Variants in RUVBL1 observed in about 807,000 individuals in gnomAD.
RUVBL1 encodes the protein ruvB-like 1.
In RUVBL1, 4 loss-of-function variants were observed where a neutral mutation model predicts 52.4. That is an observed-to-expected ratio of 0.08 (90% CI 0.04 to 0.17). RUVBL1 has a LOEUF of 0.17. RUVBL1 is among the 10% of genes least tolerant of loss of function. RUVBL1 has a pLI of 1.00. For synonymous variants in RUVBL1, 217 were observed against 214.4 expected (o/e 1.01, Z -0.10); for missense variants, 298 against 572.8 (o/e 0.52, Z 4.90).
intron 1 of RUVBL1, among the ~76,000 whole-genome samples, chr3:128,148,823 T>A (rs1944142090): frequency 6.6e-6 from 1 of 152,244 alleles, no homozygotes; most frequent in African/African-American, 2.4e-5. Flanking sequence ...GTTACCAATA[T>A]TATCTTAGAG....
intron 1 of RUVBL1, chr3:128,141,808 T>C (rs909462276): frequency 1.3e-5 from 2 of 152,300 alleles, no homozygotes; most frequent in Non-Finnish European, 2.9e-5. Context: ...CTTTTCTTAA[T>C]AGTTGCCTTC....
chr3:128,072,937 C>CT (rs1455090719), intron 9 of RUVBL1, among the ~76,000 whole-genome samples: 2 of 152,184 alleles, frequency 1.3e-5, no homozygotes, highest in Non-Finnish European at 2.9e-5. Flanking sequence ...GCTTACTCTG[C>CT]TTTTTCCCTT....
upstream of RUVBL1, chr3:128,123,910 G>A (rs912885299): frequency 8.0e-7 from 1 of 1,249,086 alleles, no homozygotes; most frequent in Non-Finnish European, 1.0e-6. Context: ...CATCGCGGCT[G>A]CTGCTAGAGC....
chr3:128,074,500 G>GTGC (rs1177838923), intron 9 of RUVBL1, among the ~76,000 whole-genome samples: 1 of 152,130 alleles, frequency 6.6e-6, no homozygotes, highest in Non-Finnish European at 1.5e-5. Flanking sequence ...AACTCATGGA[G>GTGC]TGCTCCACTT....
chr3:128,082,130 C>A lies in RUVBL1; in HGVS notation c.1211+353G>T. ...AAAGATTTACCAGGCCTCATAACAC[C>A]ACCGGGAGAACAGGAGCCAGGGCCC... On this transcript the variant is annotated intron_variant, in intron 10 of 10. Transcript: ENST00000322623. The surrounding 1 kb of genome is among the most constrained non-coding windows in gnomAD (Gnocchi z 4.7). 1 of 211,544 alleles carries A rather than the reference C, an allele frequency of 4.7e-6. No individual in the cohort carries two copies. Among genetic ancestry groups the A allele is most frequent in the Admixed American group, 5.2e-5 (1 of 19,070 alleles). The allele number at this position is 211,544 out of a possible 1,614,324, so 13.1% of individuals were successfully genotyped here. A position where few individuals can be genotyped will look rare whatever the true frequency, so the allele number is the denominator to read the frequency against.
chr3:128,097,485 C>A lies in RUVBL1; in HGVS notation c.831G>T (p.Gly277=). 6.2e-7 allele frequency: 1 copy of A among 1,614,196 alleles called. No individual in the cohort carries two copies. Among genetic ancestry groups the A allele is most frequent in the Non-Finnish European group, 8.5e-7 (1 of 1,180,028 alleles). The change falls in exon 8 of 11, where the codon GGG becomes GGT. Residue 277 remains glycine (G), a synonymous_variant. Coordinates refer to ENST00000322623, the MANE Select transcript of RUVBL1 (RefSeq NM_003707.3). The stretch of plus-strand genomic sequence containing the variant: ...ACTTGTTCACCACCTTATTAATCTC[C>A]CCTCGAAGTTTGTCTAGGAGATGCA... ...KKTEITDKLR[G]EINKVVNKYI... is the part of the protein sequence containing the mutation.
chr3:128,106,664 G>A (rs1244573931), intron 3 of RUVBL1, among the ~76,000 whole-genome samples: 1 of 152,240 alleles, frequency 6.6e-6, no homozygotes. Flanking sequence ...CACTAAGAGT[G>A]AAGGGGTTGT....
chr3:128,084,695 A>G (rs1282703561), intron 9 of RUVBL1: 3 of 152,238 alleles, frequency 2.0e-5, no homozygotes, highest in African/African-American at 7.2e-5. Context: ...ATCTTTAATC[A>G]TTTAATAACC....
chr3:128,147,261 A>T (rs548505495), intron 1 of RUVBL1, among the ~76,000 whole-genome samples: 1 of 152,138 alleles, frequency 6.6e-6, no homozygotes, highest in Admixed American at 6.5e-5. Flanking sequence ...GTAGAGGTGG[A>T]GCCCTACTGT....
intron 2 of RUVBL1, among the ~76,000 whole-genome samples, chr3:128,113,252 G>A (rs1352623052): frequency 2.6e-5 from 4 of 152,166 alleles, no homozygotes; most frequent in Non-Finnish European, 5.9e-5. Flanking sequence ...GACTTACCCA[G>A]TGCAGGCCCA....
At chr3:128,153,401 T>C (rs559752961) in exon 1 of RUVBL1, 7 of 1,413,640 alleles carry the variant, frequency 5.0e-6, no homozygotes, top group Middle Eastern at 2.6e-4. Flanking sequence ...GGAACGGGTG[T>C]GCACAGCGCG....
At chr3:128,133,484 G>A (rs1201738926) in intron 1 of RUVBL1, among the ~76,000 whole-genome samples, 1 of 152,258 alleles carries the variant, frequency 6.6e-6, no homozygotes, top group African/African-American at 2.4e-5. Context: ...CAAAGTCCCA[G>A]TGGTGTTGCT....
At chr3:128,095,929 TTAA>T (rs1447863540) in intron 8 of RUVBL1, among the ~76,000 whole-genome samples, 2 of 152,152 alleles carry the variant, frequency 1.3e-5, no homozygotes, top group Non-Finnish European at 2.9e-5. Flanking sequence ...TTGGACAGTC[TTAA>T]TAATAAAGCT....
At position 128,069,614 on chromosome 3, in the gene RUVBL1, C is replaced by T. The variant is rs781266676; in HGVS notation, c.940-4394G>A. 1.8e-5 allele frequency: 29 copies of T among 1,614,036 alleles called. No homozygotes were observed. The Admixed American group carries it at 3.5e-4, about 19-fold the overall frequency. Reference sequence around the variant, plus strand: ...TCATCTACCAGTACTTTGAGATCTTCGTTAAGGAGCAAAGCGAGGTTGGCA... The same window carrying T: ...TCATCTACCAGTACTTTGAGATCTTTGTTAAGGAGCAAAGCGAGGTTGGCA... On this transcript the variant is annotated intron_variant, in intron 9 of 9. Transcript: ENST00000464873.
intron 8 of RUVBL1, among the ~76,000 whole-genome samples, chr3:128,089,502 AT>A (rs1291815300): frequency 2.6e-5 from 4 of 152,268 alleles, no homozygotes; most frequent in Non-Finnish European, 5.9e-5. Flanking sequence ...TAGTATCTGA[AT>A]ATTTGGTTTC....
At chr3:128,123,122 C>T (rs1367774293) in intron 1 of RUVBL1, among the ~76,000 whole-genome samples, 1 of 152,160 alleles carries the variant, frequency 6.6e-6, no homozygotes, top group Non-Finnish European at 1.5e-5. Context: ...ACTGCATTCA[C>T]AATAAAATCC....
At chr3:128,107,667 A>C (rs1943277537) in intron 3 of RUVBL1, among the ~76,000 whole-genome samples, 1 of 152,224 alleles carries the variant, frequency 6.6e-6, no homozygotes, top group African/African-American at 2.4e-5. Flanking sequence ...AAGTTTTGGA[A>C]TAGCCCCAAA....
chr3:128,100,836 C>A, intron 5 of RUVBL1, 92 bp from the exon 6 acceptor site: 1 of 1,412,914 alleles, frequency 7.1e-7, no homozygotes, highest in South Asian at 1.3e-5. Flanking sequence ...GTCTCAGTTC[C>A]CACTGCAGGC....
At chr3:128,088,266 A>G (rs933600941) in intron 8 of RUVBL1, among the ~76,000 whole-genome samples, 1 of 150,930 alleles carries the variant, frequency 6.6e-6, no homozygotes, top group African/African-American at 2.4e-5. Context: ...TGTTCCAAAA[A>G]GAAAGAAAAA....
Sources: gnomAD v4.1 joint callset for allele counts (sites outside exome capture counted in the v4.1 genomes callset) on GRCh38, gnomAD v4.1.1 for gene constraint, Gnocchi (gnomAD v3.1) non-coding constraint, MANE v1.5 for transcripts, NCBI Gene and HGNC (gene_info 2026-07-23, HGNC 2026-07-21) for gene names.